Variants in ADHFE1 observed in about 807,000 individuals in gnomAD.
The protein encoded by ADHFE1 is hydroxyacid-oxoacid transhydrogenase, mitochondrial.
Under a neutral mutation model 54.8 loss-of-function variants are expected in ADHFE1, and 37 were observed. The observed-to-expected ratio is 0.68, with a 90% CI of 0.52 to 0.89. The LOEUF is 0.89. Ranked by LOEUF, ADHFE1 falls within the 40% of genes least tolerant of loss-of-function variation. The probability of loss-of-function intolerance (pLI) is 0.00; values close to 1 mark genes in which losing one functional copy is unlikely to be tolerated. For missense variants in ADHFE1, 601 were observed against 591.2 expected (o/e 1.02, Z -0.17); for synonymous variants, 203 against 229.3 (o/e 0.89, Z 1.04).
chr8:66,468,644 A>G lies in ADHFE1; in HGVS notation c.*292A>G, dbSNP rs575545239. Reference sequence around the variant, plus strand: ...CTGCCTCTGTTTCATGTAGCAAATGAGCAAAAACTCAGTATCTATCAAAAG... The same window carrying G: ...CTGCCTCTGTTTCATGTAGCAAATGGGCAAAAACTCAGTATCTATCAAAAG... On this transcript the variant is annotated 3_prime_UTR_variant, in exon 14 of 14. Coordinates refer to ENST00000396623, the MANE Select transcript of ADHFE1 (RefSeq NM_144650.3). The G allele has an allele frequency of 4.4e-5, 8 of 183,020 alleles. No homozygotes were observed. The highest frequency in any genetic ancestry group is 6.8e-5 in the Non-Finnish European group (6 of 88,420). The allele number at this position is 183,020 out of a possible 1,614,324, so 11.3% of individuals were successfully genotyped here.
chr8:66,441,427 A>G (rs78961360), intron 2 of ADHFE1, among the ~76,000 whole-genome samples: 10,083 of 152,168 alleles, frequency 0.066, 476 homozygotes, highest in East Asian at 0.16. Context: ...GAGGAATCCA[A>G]TAAGTTTGAG....
chr8:66,435,180 T>A (rs1041687677), intron 1 of ADHFE1, among the ~76,000 whole-genome samples: 1 of 152,098 alleles, frequency 6.6e-6, no homozygotes, highest in Non-Finnish European at 1.5e-5. Context: ...AAGGAAGGGA[T>A]GCAATTTTTG....
At chr8:66,442,997 T>C (rs550547180) in intron 3 of ADHFE1, among the ~76,000 whole-genome samples, 153 bp downstream of exon 3, 22 of 152,368 alleles carry the variant, frequency 1.4e-4, no homozygotes, top group South Asian at 6.2e-4. Context: ...GCAAAGTACC[T>C]GGTTGGTATA....
At chr8:66,453,414 T>C (rs1806406393) in intron 9 of ADHFE1, among the ~76,000 whole-genome samples, 1 of 152,166 alleles carries the variant, frequency 6.6e-6, no homozygotes, top group Non-Finnish European at 1.5e-5. Flanking sequence ...CCCTTGACAG[T>C]CTTCAGGCTT....
Position 66,439,840 on chromosome 8 carries a change from G to A in ADHFE1, c.60-322G>A. On this transcript the variant is annotated intron_variant, in intron 1 of 13. Coordinates refer to ENST00000396623, the MANE Select transcript of ADHFE1 (RefSeq NM_144650.3). This position sits in a 1 kb window ranked among gnomAD's most constrained non-coding sequence, Gnocchi z 4.4. ...CCAGTAAGAGCTGGGGCTTCATGGA[G>A]ACCAGAGACCCCCATCTTAAACTTG... The A allele has an allele frequency of 9.8e-7, 1 of 1,023,554 alleles. No individual in the cohort carries two copies. Among genetic ancestry groups the A allele is most frequent in the South Asian group, 3.2e-5 (1 of 31,594 alleles). 63.4% of individuals were successfully genotyped at this position (1,023,554 alleles called of 1,614,324 possible).
In ADHFE1 at chr8:66,439,437, G is replaced by C. The variant is rs1805631708; in HGVS notation, c.60-725G>C. ...AGGAGACGACCAGGACAGGAAGAGG[G>C]ACCACAGCCAGGGGAGGGAGGGTTT... On this transcript the variant is annotated intron_variant, in intron 1 of 13. Transcript: ENST00000396623. This position sits in a 1 kb window ranked among gnomAD's most constrained non-coding sequence, Gnocchi z 4.4. 1 of 986,136 alleles carries C rather than the reference G, an allele frequency of 1.0e-6. No individual in the cohort carries two copies. Among genetic ancestry groups the C allele is most frequent in the Non-Finnish European group, 1.2e-6 (1 of 830,348 alleles). 61.1% of individuals were successfully genotyped at this position (986,136 alleles called of 1,614,324 possible). A position where few individuals can be genotyped will look rare whatever the true frequency, so the allele number is the denominator to read the frequency against.
intron 1 of ADHFE1, among the ~76,000 whole-genome samples, chr8:66,433,691 AT>A (rs1308817159): frequency 2.0e-5 from 3 of 152,226 alleles, no homozygotes; most frequent in Admixed American, 2.0e-4. Flanking sequence ...AAGCCATTGA[AT>A]AATATTTGTC....
rs148484152 is a variant in ADHFE1 at position 66,452,232 on chromosome 8, G to A, written c.887+127G>A. ...TTCCAGAAAAGCAGTCAGTGGATGC[G>A]CAGAAGCCCCAGACACCAGCAGCCT... On this transcript the variant is annotated intron_variant, in intron 9 of 13. Transcript: ENST00000396623. 337 of 1,300,090 alleles carry A rather than the reference G, an allele frequency of 2.6e-4. No homozygotes were observed. In the East Asian group the frequency reaches 7.4e-3, roughly 29 times the overall value. 80.5% of individuals were successfully genotyped at this position (1,300,090 alleles called of 1,614,324 possible).
intron 1 of ADHFE1, among the ~76,000 whole-genome samples, chr8:66,435,809 A>G (rs908589757): frequency 6.6e-6 from 1 of 150,756 alleles, no homozygotes; most frequent in Admixed American, 6.6e-5. Context: ...GAGTCTCACT[A>G]TGTTGCCCCA....
intron 13 of ADHFE1, among the ~76,000 whole-genome samples, chr8:66,464,815 C>A (rs548139487): frequency 6.6e-6 from 1 of 152,202 alleles, no homozygotes; most frequent in Non-Finnish European, 1.5e-5. Flanking sequence ...ATTTTCAGAA[C>A]TCTTTTTTTA....
Position 66,432,626 on chromosome 8 carries a change from C to A in ADHFE1, c.59+51C>A, listed in dbSNP as rs1376513008. On this transcript the variant is annotated intron_variant, in intron 1 of 13. Transcript: ENST00000396623. ...AGGGGACCGCAGGGTGCCCACGCAG[C>A]CCCCTGGGTGTGACCCGCTCAGATC... The A allele has an allele frequency of 3.1e-6, 4 of 1,280,274 alleles. No individual in the cohort carries two copies. The South Asian group carries it at 7.4e-5, about 24-fold the overall frequency. The allele number at this position is 1,280,274 out of a possible 1,614,324, so 79.3% of individuals were successfully genotyped here.
Position 66,448,977 on chromosome 8 carries a change from G to T in ADHFE1, c.734+7G>T, listed in dbSNP as rs779181121. On this transcript the variant is annotated splice_region_variant and intron_variant, in intron 8 of 13. Transcript: ENST00000396623. ...GTGGCTTTGATGTGCTTTGGTAAGTGCTGGTGCCTCCTGGAGGGGCTTTTT... is the reference window on the plus strand; with the variant it reads ...GTGGCTTTGATGTGCTTTGGTAAGTTCTGGTGCCTCCTGGAGGGGCTTTTT... 6.2e-7 allele frequency: 1 copy of T among 1,613,202 alleles called. No homozygotes were observed. Among genetic ancestry groups the T allele is most frequent in the Admixed American group, 1.7e-5 (1 of 59,988 alleles).
chr8:66,441,075 C>T (rs1045692467), intron 2 of ADHFE1, among the ~76,000 whole-genome samples: 1 of 152,166 alleles, frequency 6.6e-6, no homozygotes, highest in East Asian at 1.9e-4. Flanking sequence ...TGAACATATA[C>T]AGAATTTTGT....
intron 13 of ADHFE1, among the ~76,000 whole-genome samples, chr8:66,463,538 C>G (rs1044267975): frequency 6.6e-6 from 1 of 152,050 alleles, no homozygotes; most frequent in East Asian, 1.9e-4. Context: ...ATTCACAGAT[C>G]GATAGGACTT....
At chr8:66,459,410 T>TTATATATATATATATATATATA (rs757679416) in intron 12 of ADHFE1, 2 of 131,552 alleles carry the variant, frequency 1.5e-5, no homozygotes, top group African/African-American at 2.9e-5. Context: ...TTAATTTTTA[T>TTATATATATATATATATATATA]TATATATATA....
intron 1 of ADHFE1, among the ~76,000 whole-genome samples, chr8:66,435,545 G>A (rs1327045207): frequency 1.3e-5 from 2 of 148,972 alleles, no homozygotes; most frequent in East Asian, 4.0e-4. Flanking sequence ...ATAAGGCTAT[G>A]AGTGATTGCA....
At chr8:66,463,188 A>C (rs1323664968) in intron 13 of ADHFE1, among the ~76,000 whole-genome samples, 1 of 152,196 alleles carries the variant, frequency 6.6e-6, no homozygotes, top group Admixed American at 6.5e-5. Flanking sequence ...AGACCACTAA[A>C]ATAGCACTAA....
intron 1 of ADHFE1, among the ~76,000 whole-genome samples, chr8:66,435,224 C>T (rs1805401230): frequency 6.6e-6 from 1 of 152,194 alleles, no homozygotes; most frequent in Admixed American, 6.5e-5. Flanking sequence ...ATGTTAGTTT[C>T]CTACAGCTGT....
At chr8:66,461,822 G>A (rs543453475) in intron 13 of ADHFE1, among the ~76,000 whole-genome samples, 7 of 152,298 alleles carry the variant, frequency 4.6e-5, no homozygotes, top group African/African-American at 1.7e-4. Context: ...CAGTTTCCCT[G>A]ATTTGGATTC....
Sources: allele counts gnomAD v4.1 joint callset (sites outside exome capture counted in the v4.1 genomes callset), GRCh38; gene constraint gnomAD v4.1.1; non-coding constraint Gnocchi (gnomAD v3.1); transcripts MANE v1.5; gene names NCBI Gene and HGNC (gene_info 2026-07-23, HGNC 2026-07-21).